Variants in PDS5A observed in about 807,000 individuals in gnomAD.
PDS5A encodes PDS5 cohesin associated factor A.
In PDS5A, 42 loss-of-function variants were observed where a neutral mutation model predicts 167.1. The ratio of observed to expected loss-of-function variants is 0.25; its 90% CI spans 0.20 to 0.33. The LOEUF (loss-of-function observed/expected upper bound fraction) is 0.33. Ranked by LOEUF, PDS5A falls within the 10% of genes least tolerant of loss-of-function variation. The probability of loss-of-function intolerance (pLI) is 1.00; values close to 1 mark genes in which losing one functional copy is unlikely to be tolerated. For synonymous variants in PDS5A, 553 were observed against 554.6 expected (o/e 1.00, Z 0.04); for missense variants, 1,033 against 1,605.9 (o/e 0.64, Z 6.10).
intron 11 of PDS5A, among the ~76,000 whole-genome samples, chr4:39,904,931 C>G (rs7675941): frequency 1.3e-5 from 2 of 152,180 alleles, no homozygotes; most frequent in Non-Finnish European, 2.9e-5. Context: ...AACAAAACCC[C>G]TATTATCTGG....
chr4:39,909,421 A>C (rs1723703552), intron 10 of PDS5A, among the ~76,000 whole-genome samples: 1 of 152,180 alleles, frequency 6.6e-6, no homozygotes, highest in Non-Finnish European at 1.5e-5. Context: ...CACCATGCCC[A>C]TAGTTACATT....
At chr4:39,876,687 A>G (rs909198025) in intron 19 of PDS5A, among the ~76,000 whole-genome samples, 7 of 152,256 alleles carry the variant, frequency 4.6e-5, no homozygotes, top group Admixed American at 6.5e-5. Flanking sequence ...CATGGATTAG[A>G]AAGACATTAG....
chr4:39,926,029 CAT>C (rs1362302960), intron 4 of PDS5A, 96 bp from the exon 5 acceptor site: 1 of 368,712 alleles, frequency 2.7e-6, no homozygotes, highest in Non-Finnish European at 4.8e-6. Flanking sequence ...GAGTTAGAAA[CAT>C]ATTAAAGTCT....
chr4:39,890,197 T>C (rs1019416217), intron 17 of PDS5A, 52 bp downstream of exon 17: 13 of 974,624 alleles, frequency 1.3e-5, no homozygotes, highest in African/African-American at 3.3e-5. Flanking sequence ...ATTAACAACA[T>C]TGTCGTTGCA....
intron 2 of PDS5A, among the ~76,000 whole-genome samples, chr4:39,956,558 G>A (rs1240194307): frequency 1.3e-5 from 2 of 148,508 alleles, no homozygotes; most frequent in African/African-American, 5.0e-5. Context: ...AGCAAACAAA[G>A]CTATACAACA....
At chr4:39,902,569 C>CTGGA (rs1291188624) in intron 12 of PDS5A, 109 bp from the exon 13 acceptor site, 1 of 576,186 alleles carries the variant, frequency 1.7e-6, no homozygotes, top group African/African-American at 1.9e-5. Flanking sequence ...GTCACCCAGG[C>CTGGA]TGGAGTACAG....
At chr4:39,888,238 C>A (rs534338157) in intron 17 of PDS5A, among the ~76,000 whole-genome samples, 1 of 111,378 alleles carries the variant, frequency 9.0e-6, no homozygotes, top group Non-Finnish European at 1.7e-5. Flanking sequence ...AGCAAGACTC[C>A]GGCAAAAAAA....
chr4:39,974,031 CAGG>C, intron 2 of PDS5A: 1 of 463,512 alleles, frequency 2.2e-6, no homozygotes, highest in Non-Finnish European at 4.0e-6. Context: ...GAGGCTGAGG[CAGG>C]AGAATGGCGT....
At chr4:39,825,815 G>T (rs1715251392) in intron 32 of PDS5A, among the ~76,000 whole-genome samples, 1 of 151,972 alleles carries the variant, frequency 6.6e-6, no homozygotes, top group African/African-American at 2.4e-5. Flanking sequence ...TGCCCAGGCT[G>T]GTCTTCAACT....
intron 32 of PDS5A, among the ~76,000 whole-genome samples, chr4:39,829,865 G>A (rs914063960): frequency 9.1e-5 from 13 of 142,878 alleles, no homozygotes; most frequent in African/African-American, 3.2e-4. Flanking sequence ...GCAGGAGAAT[G>A]GCGTGAGCCC....
chr4:39,855,040 G>GA (rs1481975606), intron 26 of PDS5A, among the ~76,000 whole-genome samples: 1 of 152,058 alleles, frequency 6.6e-6, no homozygotes, highest in Admixed American at 6.5e-5. Context: ...ACTGATGTCA[G>GA]AAAAATGGCA....
chr4:39,879,786 T>G lies in PDS5A; in HGVS notation c.1934A>C (p.Asp645Ala). The change falls in exon 18 of 33, where the codon GAT becomes GCT. Residue 645 changes from aspartate (D) to alanine (A), a missense_variant. By Grantham distance (126) the Asp-to-Ala change is moderately radical. Around this residue, in one of 4 missense-constraint regions of PDS5A, gnomAD observed 367 missense variants for 686.7 expected, o/e 0.53. Transcript: ENST00000303538. ...MNKSIEGTADDEEEGVSPDTA... is the reference protein window; with the variant it reads ...MNKSIEGTADAEEEGVSPDTA... ...ATCTGGACTTACACCCTCCTCTTCA[T>G]CATCTGCTGTCCCCTCTATTGACTT... 1 of 1,612,144 alleles carries G rather than the reference T, an allele frequency of 6.2e-7. No homozygotes were observed. Among genetic ancestry groups the G allele is most frequent in the Non-Finnish European group, 8.5e-7 (1 of 1,178,320 alleles).
chr4:39,908,603 T>C (rs1278574933), intron 10 of PDS5A, 63 bp from the exon 11 acceptor site: 5 of 1,000,788 alleles, frequency 5.0e-6, no homozygotes, highest in Middle Eastern at 2.1e-4. Context: ...TGATTTAGAA[T>C]GGCAAGAACA....
intron 14 of PDS5A, among the ~76,000 whole-genome samples, chr4:39,899,851 T>TTAA (rs1221014325): frequency 9.8e-6 from 1 of 102,412 alleles, no homozygotes; most frequent in African/African-American, 4.6e-5. Context: ...TCCTGTGTAT[T>TTAA]AAAAAAAAAA....
intron 2 of PDS5A, among the ~76,000 whole-genome samples, chr4:39,944,557 G>T (rs1432827623): frequency 2.0e-5 from 3 of 152,034 alleles, no homozygotes; most frequent in Admixed American, 6.6e-5. Context: ...AGCCAGGCTT[G>T]GTGGTGCATG....
At chr4:39,865,411 A>G (rs773560309) in intron 23 of PDS5A, among the ~76,000 whole-genome samples, 54 of 152,358 alleles carry the variant, frequency 3.5e-4, no homozygotes, top group Middle Eastern at 3.4e-3. Context: ...TGATAAAAAT[A>G]GAGCGTAGTG....
chr4:39,833,191 CAAAAA>C (rs1166233113), intron 32 of PDS5A, among the ~76,000 whole-genome samples: 6 of 37,924 alleles, frequency 1.6e-4, no homozygotes, highest in South Asian at 2.8e-3. Context: ...AACTCCGTCT[CAAAAA>C]AAAAAAAAAA....
intron 11 of PDS5A, among the ~76,000 whole-genome samples, 157 bp from the exon 12 acceptor site, chr4:39,904,348 T>C (rs1723130663): frequency 6.6e-6 from 1 of 151,856 alleles, no homozygotes; most frequent in Non-Finnish European, 1.5e-5. Context: ...ACAATTTTAT[T>C]TTTTTTTTGA....
intron 2 of PDS5A, chr4:39,974,108 C>T (rs555450464): frequency 9.0e-5 from 50 of 553,040 alleles, no homozygotes; most frequent in African/African-American, 2.1e-4. Context: ...GGCGACAGAG[C>T]GAGACTCTGT....
Sources: gnomAD v4.1 joint callset for allele counts (sites outside exome capture counted in the v4.1 genomes callset) on GRCh38, gnomAD v4.1.1 for gene constraint, gnomAD v4.1.1 regional missense constraint, MANE v1.5 for transcripts, NCBI Gene and HGNC (gene_info 2026-07-23, HGNC 2026-07-21) for gene names.